The following KIF18A variants were observed in gnomAD, a reference collection of about 807,000 sequenced individuals.
KIF18A encodes kinesin family member 18A.
Under a neutral mutation model 103.3 loss-of-function variants are expected in KIF18A, and 67 were observed. The ratio of observed to expected loss-of-function variants is 0.65; its 90% CI spans 0.53 to 0.79. The LOEUF is 0.79. KIF18A is among the 30% of genes least tolerant of loss of function. KIF18A has a pLI of 0.00. For synonymous variants in KIF18A, 367 were observed against 355.5 expected (o/e 1.03, Z -0.36); for missense variants, 1,032 against 1,062.5 (o/e 0.97, Z 0.40).
At chr11:28,081,036 T>C (rs1246920940) in intron 9 of KIF18A, among the ~76,000 whole-genome samples, 3 of 152,180 alleles carry the variant, frequency 2.0e-5, no homozygotes, top group African/African-American at 7.2e-5. Flanking sequence ...TCTAAATCTG[T>C]TCAATTCTAC....
At chr11:28,083,116 T>C in intron 8 of KIF18A, 53 bp downstream of exon 8, 2 of 1,553,850 alleles carry the variant, frequency 1.3e-6, no homozygotes, top group Non-Finnish European at 1.7e-6. Context: ...GATTATAAAA[T>C]TCTATAAATG....
At chr11:28,069,737 A>G (rs1271624474) in intron 10 of KIF18A, among the ~76,000 whole-genome samples, 1 of 151,600 alleles carries the variant, frequency 6.6e-6, no homozygotes, top group African/African-American at 2.4e-5. Flanking sequence ...AGTATGTTTC[A>G]TTTGAAAAGT....
At chr11:28,049,705 T>C (rs1444646145) in intron 13 of KIF18A, among the ~76,000 whole-genome samples, 1 of 151,948 alleles carries the variant, frequency 6.6e-6, no homozygotes, top group Non-Finnish European at 1.5e-5. Context: ...GTTGGCAAAG[T>C]TCTAAAGTGA....
chr11:28,065,928 C>T (rs1850915273), intron 11 of KIF18A, among the ~76,000 whole-genome samples: 1 of 151,974 alleles, frequency 6.6e-6, no homozygotes, highest in South Asian at 2.1e-4. Context: ...TGCCACTGAA[C>T]TGTATATGTA....
intron 7 of KIF18A, among the ~76,000 whole-genome samples, chr11:28,083,584 C>T (rs1259823437): frequency 6.6e-6 from 1 of 152,044 alleles, no homozygotes; most frequent in East Asian, 1.9e-4. Flanking sequence ...TGAGTTCTTA[C>T]TATATTTTAA....
At chr11:28,030,886 C>A (rs957654096) in intron 15 of KIF18A, among the ~76,000 whole-genome samples, 2 of 150,962 alleles carry the variant, frequency 1.3e-5, no homozygotes, top group Non-Finnish European at 3.0e-5. Context: ...TGAACAGACA[C>A]TTCTCAAAAG....
At chr11:28,052,346 A>G (rs894634737) in intron 13 of KIF18A, among the ~76,000 whole-genome samples, 2 of 152,080 alleles carry the variant, frequency 1.3e-5, no homozygotes, top group African/African-American at 4.8e-5. Flanking sequence ...ACAAGGCCCT[A>G]TGTGATCTGC....
intron 15 of KIF18A, among the ~76,000 whole-genome samples, chr11:28,030,001 C>A (rs1250270766): frequency 1.3e-5 from 1 of 79,308 alleles, no homozygotes; most frequent in Non-Finnish European, 2.5e-5. Flanking sequence ...TCAAGGAGAA[C>A]TACAAACCAC....
rs1184853009 is a variant in KIF18A, at chr11:28,088,707, T to C, written c.714A>G (p.Gln238=). 2 of 1,613,458 alleles carry C rather than the reference T, an allele frequency of 1.2e-6. No homozygotes were observed. The highest frequency in any genetic ancestry group is 1.7e-6 in the Non-Finnish European group (2 of 1,179,610). The part of the protein sequence containing the change: ...SHAVFQIYLR[Q]QDKTASINQN... ...GATTGATACTTGCTGTTTTGTCTTG[T>C]TGTCGCAAGTAAATCTTTTTGAAAT... The change falls in exon 6 of 17, where the codon CAA becomes CAG. Residue 238 remains glutamine (Q), a synonymous_variant. Transcript: ENST00000263181.
At position 28,097,852 on chromosome 11, in the gene KIF18A, T is replaced by C. The variant is rs751608863; in HGVS notation, c.96A>G (p.Lys32=). ...NTKEKAAGFH[K]VVHVVDKHIL... is the part of the protein sequence containing the mutation. ...TATGTTTATCCACAACATGAACCAC[T>C]TTATGAAATCCAGCTGCTTTTTCTT... Residue 32 remains lysine (K), a synonymous_variant, in exon 2 of 17, where the codon AAA becomes AAG. Coordinates refer to ENST00000263181, the MANE Select transcript of KIF18A (RefSeq NM_031217.4). 1 of 1,612,486 alleles carries C rather than the reference T, an allele frequency of 6.2e-7. No individual in the cohort carries two copies. The highest frequency in any genetic ancestry group is 1.3e-5 in the African/African-American group (1 of 74,820).
At chr11:28,036,814 T>C (rs775653842) in intron 13 of KIF18A, 150 bp from the exon 14 acceptor site, 79 of 513,610 alleles carry the variant, frequency 1.5e-4, no homozygotes, top group Non-Finnish European at 2.4e-4. Context: ...AAGGAAAATA[T>C]CACGGTTTAC....
Position 28,077,050 on chromosome 11 carries a change from T to C in KIF18A, c.1382A>G (p.His461Arg). The stretch of plus-strand genomic sequence containing the variant: ...AGAACACATCATTTCTATTTGTTTA[T>C]GGCACTGTTGTTGGTAGAATGATTT... ...ELKSFYQQQCHKQIEMMCSED... is the reference protein window; with the variant it reads ...ELKSFYQQQCRKQIEMMCSED... The change falls in exon 10 of 17, where the codon CAT (histidine) becomes CGT (arginine). Residue 461 changes from histidine (H) to arginine (R), a missense_variant. Transcript: ENST00000263181. 6.4e-7 allele frequency: 1 copy of C among 1,572,578 alleles called. No individual in the cohort carries two copies. Among genetic ancestry groups the C allele is most frequent in the East Asian group, 2.3e-5 (1 of 43,054 alleles).
chr11:28,094,827 C>G (rs1417234371), intron 2 of KIF18A, 27 bp from the exon 3 acceptor site: 3 of 1,606,932 alleles, frequency 1.9e-6, no homozygotes, highest in Non-Finnish European at 1.7e-6. Context: ...GGGATCAAAA[C>G]TCTTTGTTAT....
At chr11:28,045,182 T>A (rs892789032) in intron 13 of KIF18A, among the ~76,000 whole-genome samples, 1 of 151,980 alleles carries the variant, frequency 6.6e-6, no homozygotes, top group Admixed American at 6.6e-5. Flanking sequence ...AAAAAAGACT[T>A]GAAAAAAGTT....
At chr11:28,094,865 C>A in intron 2 of KIF18A, 65 bp from the exon 3 acceptor site, 22 of 1,395,954 alleles carry the variant, frequency 1.6e-5, no homozygotes, top group Non-Finnish European at 1.9e-5. Flanking sequence ...TATCTACTAT[C>A]TAGTGGATAG....
chr11:28,027,489 A>G (rs1023631019), intron 15 of KIF18A, among the ~76,000 whole-genome samples: 2 of 151,818 alleles, frequency 1.3e-5, no homozygotes, highest in Non-Finnish European at 2.9e-5. Context: ...CATCATCTCA[A>G]ATATTACTTT....
At position 28,036,372 on chromosome 11, in the gene KIF18A, C is replaced by G; in HGVS notation, c.2241G>C (p.Met747Ile). 2 of 1,611,260 alleles carry G rather than the reference C, an allele frequency of 1.2e-6. No homozygotes were observed. Among genetic ancestry groups the G allele is most frequent in the Non-Finnish European group, 1.7e-6 (2 of 1,178,228 alleles). The change falls in exon 14 of 17, where the codon ATG (methionine) becomes ATC (isoleucine). Residue 747 changes from methionine (M) to isoleucine (I), a missense_variant. Coordinates refer to ENST00000263181, the MANE Select transcript of KIF18A (RefSeq NM_031217.4). ...SNINSDNCLK[M>I]LCEVAIPHNR... ...TATGAGGGATAGCTACTTCACACAA[C>G]ATTTTCAGACAATTATCACTGTTTA...
intron 1 of KIF18A, among the ~76,000 whole-genome samples, chr11:28,103,263 G>C (rs866495073): frequency 1.3e-5 from 2 of 151,212 alleles, no homozygotes; most frequent in African/African-American, 2.4e-5. Flanking sequence ...ATGCTCATTA[G>C]AGTATTTTGG....
intron 1 of KIF18A, among the ~76,000 whole-genome samples, chr11:28,107,309 C>T (rs1174550083): frequency 6.6e-6 from 1 of 151,804 alleles, no homozygotes; most frequent in African/African-American, 2.4e-5. Flanking sequence ...TGGTCAAATA[C>T]TCTCTTCTCA....
Sources: gnomAD v4.1 joint callset for allele counts (sites outside exome capture counted in the v4.1 genomes callset) on GRCh38, gnomAD v4.1.1 for gene constraint, MANE v1.5 for transcripts, NCBI Gene and HGNC (gene_info 2026-07-23, HGNC 2026-07-21) for gene names.